Variants in CSMD1 observed in about 807,000 individuals in gnomAD.
CSMD1 encodes the protein CUB and Sushi multiple domains 1, also known as CUB and sushi domain-containing protein 1.
A neutral mutation model predicts 417.5 loss-of-function variants in CSMD1; 213 were observed. The observed-to-expected ratio is 0.51, with a 90% confidence interval of 0.46 to 0.57. The LOEUF is 0.57. CSMD1 is among the 20% of genes least tolerant of loss of function. The pLI, the probability that CSMD1 is intolerant of heterozygous loss-of-function variation, is 0.00. For synonymous variants in CSMD1, 2,862 were observed against 1,736.8 expected (o/e 1.65, Z -16.11); for missense variants, 6,923 against 4,529.7 (o/e 1.53, Z -15.17).
Position 3,693,856 on chromosome 8 carries a change from T to C in CSMD1, c.1009+14558A>G, listed in dbSNP as rs779417023. 4.4e-4 allele frequency among the ~76,000 whole-genome samples: 67 copies of C among 151,196 alleles called. 1 individual carries two copies. The highest frequency in any genetic ancestry group is 1.5e-5 in the Non-Finnish European group (1 of 67,712). ...GTGTTGTGTGTGTTAGGGTATATTA[T>C]GTGCTGTATGTGTGTTTCGTGTATG... On this transcript the variant is annotated intron_variant, in intron 7 of 69. Transcript: ENST00000635120.
chr8:3,384,578 C>A (rs1220891396), intron 18 of CSMD1, among the ~76,000 whole-genome samples: 4 of 148,570 alleles, frequency 2.7e-5, no homozygotes, highest in Admixed American at 6.8e-5. Context: ...TATTTCGTAT[C>A]CATTTGGAGC....
chr8:4,327,518 G>A (rs1370890945), intron 3 of CSMD1, among the ~76,000 whole-genome samples: 2 of 152,140 alleles, frequency 1.3e-5, no homozygotes, highest in African/African-American at 2.4e-5. Flanking sequence ...CTTGCAGTGT[G>A]ATGTGTCAGG....
chr8:3,646,003 TTC>T (rs1797553144), intron 7 of CSMD1, among the ~76,000 whole-genome samples: 1 of 152,102 alleles, frequency 6.6e-6, no homozygotes, highest in African/African-American at 2.4e-5. Flanking sequence ...TTATCGCAAT[TTC>T]TGTTATAGCA....
intron 1 of CSMD1, among the ~76,000 whole-genome samples, chr8:4,719,170 A>T (rs1676968): frequency 0.29 from 44,036 of 152,094 alleles, 7,541 homozygotes; most frequent in African/African-American, 0.48. Flanking sequence ...CAGGTGAAAA[A>T]AAGACTACAC....
At chr8:4,366,046 C>T (rs1377407140) in intron 3 of CSMD1, among the ~76,000 whole-genome samples, 5 of 152,086 alleles carry the variant, frequency 3.3e-5, no homozygotes, top group Admixed American at 3.3e-4. Flanking sequence ...AGCACAGTAC[C>T]TGACAGATAG....
chr8:2,965,995 T>G (rs771258425), intron 58 of CSMD1, 41 bp from the exon 59 acceptor site: 1 of 1,516,706 alleles, frequency 6.6e-7, no homozygotes, highest in Non-Finnish European at 9.0e-7. Flanking sequence ...GAAATTCATT[T>G]ACCATGAAAT....
At chr8:3,500,294 T>C (rs557607069) in intron 10 of CSMD1, among the ~76,000 whole-genome samples, 58 of 152,280 alleles carry the variant, frequency 3.8e-4, no homozygotes, top group Non-Finnish European at 6.8e-4. Context: ...CTGGGCACTC[T>C]AGCTAGACAT....
intron 3 of CSMD1, among the ~76,000 whole-genome samples, chr8:4,413,315 T>C (rs140982974): frequency 2.0e-5 from 3 of 152,178 alleles, no homozygotes; most frequent in Non-Finnish European, 4.4e-5. Flanking sequence ...TGCTTTTAAC[T>C]ACGCTCGTGG....
At chr8:3,331,237 CAAA>C (rs112278319) in intron 23 of CSMD1, among the ~76,000 whole-genome samples, 9 of 128,488 alleles carry the variant, frequency 7.0e-5, no homozygotes, top group Middle Eastern at 4.2e-3. Context: ...GACTCCGTCT[CAAA>C]AAAAAAAAAA....
chr8:3,564,407 T>C (rs547549316), intron 10 of CSMD1, among the ~76,000 whole-genome samples: 9 of 152,306 alleles, frequency 5.9e-5, no homozygotes, highest in African/African-American at 2.2e-4. Flanking sequence ...TGCTAAATAG[T>C]TGCAAGTCTA....
intron 1 of CSMD1, among the ~76,000 whole-genome samples, chr8:4,943,157 A>C (rs754882397): frequency 2.6e-5 from 4 of 152,196 alleles, no homozygotes; most frequent in Non-Finnish European, 5.9e-5. Flanking sequence ...TCAGTTAGTA[A>C]GGTCTTCATT....
intron 2 of CSMD1, among the ~76,000 whole-genome samples, chr8:4,498,336 T>C (rs1802081250): frequency 6.6e-6 from 1 of 152,182 alleles, no homozygotes; most frequent in Non-Finnish European, 1.5e-5. Flanking sequence ...CACACACACG[T>C]TAACTTATTT....
intron 6 of CSMD1, among the ~76,000 whole-genome samples, chr8:3,752,644 ACT>A (rs1797404603): frequency 1.5e-5 from 2 of 134,998 alleles, no homozygotes; most frequent in South Asian, 2.4e-4. Flanking sequence ...ACAGAGCAAG[ACT>A]CTGTCCACTG....
chr8:4,974,750 C>G (rs1034654968), intron 1 of CSMD1, among the ~76,000 whole-genome samples: 2 of 152,080 alleles, frequency 1.3e-5, no homozygotes, highest in African/African-American at 4.8e-5. Flanking sequence ...CAATATCTGA[C>G]TAGAAGGTGA....
At chr8:4,934,599 G>C (rs147814150) in intron 1 of CSMD1, among the ~76,000 whole-genome samples, 20 of 152,094 alleles carry the variant, frequency 1.3e-4, no homozygotes, top group Non-Finnish European at 2.8e-4. Flanking sequence ...CCAATATAAT[G>C]TCTACCTTTT....
chr8:3,030,421 AC>A (rs1175758133), intron 50 of CSMD1, among the ~76,000 whole-genome samples: 3 of 151,936 alleles, frequency 2.0e-5, no homozygotes, highest in Non-Finnish European at 2.9e-5. Flanking sequence ...GGAAGAATTA[AC>A]TGGAGAGACT....
intron 5 of CSMD1, among the ~76,000 whole-genome samples, chr8:3,915,105 G>A (rs1168319969): frequency 1.3e-5 from 2 of 152,052 alleles, no homozygotes; most frequent in Non-Finnish European, 2.9e-5. Flanking sequence ...ATAATGAAGA[G>A]TCAAGAGTTT....
In CSMD1 at chr8:4,286,304, G is replaced by T. The variant is rs144012641; in HGVS notation, c.415+133649C>A. ...TTAGTGCTATCTGTCCTCAGGGGCC[G>T]TTGTTCTTGTCACTTTGGAACATTC... On this transcript the variant is annotated intron_variant, in intron 3 of 69. Coordinates refer to ENST00000635120, the MANE Select transcript of CSMD1 (RefSeq NM_033225.6). 3.9e-5 allele frequency among the ~76,000 whole-genome samples: 6 copies of T among 152,156 alleles called. No individual in the cohort carries two copies. In the South Asian group the frequency reaches 1.2e-3, roughly 32 times the overall value.
intron 2 of CSMD1, among the ~76,000 whole-genome samples, chr8:4,453,678 C>G (rs144546988): frequency 1.5e-4 from 23 of 152,194 alleles, no homozygotes; most frequent in African/African-American, 5.3e-4. Context: ...GTCCCGCAGT[C>G]TACAGACCAT....
Sources: allele counts gnomAD v4.1 joint callset (sites outside exome capture counted in the v4.1 genomes callset), GRCh38; gene constraint gnomAD v4.1.1; transcripts MANE v1.5; gene names NCBI Gene and HGNC (gene_info 2026-07-23, HGNC 2026-07-21).